SLC71A1: variants seen among roughly 807,000 people sequenced by gnomAD.
SLC71A1 encodes the protein solute carrier family 71 member 1, also known as hippocampus abundant gene transcript 1.
At chr1:100,079,439 T>C in the SLC71A1 span, 1 of 152,160 alleles carries the variant, frequency 6.6e-6, no homozygotes, top group African/African-American at 2.4e-5. Flanking sequence ...GGATATGTTT[T>C]GTCTAGTCAT....
chr1:100,071,230 C>A, the SLC71A1 span, among the ~76,000 whole-genome samples: 4 of 146,134 alleles, frequency 2.7e-5, no homozygotes, highest in Non-Finnish European at 5.9e-5. Flanking sequence ...AGGTCAGGGA[C>A]CGCTTGAGCC....
At chr1:100,047,060 T>C in the SLC71A1 span, among the ~76,000 whole-genome samples, 4 of 152,222 alleles carry the variant, frequency 2.6e-5, no homozygotes, top group Non-Finnish European at 4.4e-5. Flanking sequence ...TTCTTACTCA[T>C]GCTTAATTGC....
the SLC71A1 span, chr1:100,077,352 G>A: frequency 1.3e-6 from 1 of 757,876 alleles, no homozygotes; most frequent in Non-Finnish European, 2.3e-6. Context: ...CTTCTCAACT[G>A]AGGGGTAGAC....
chr1:100,077,042 G>T, the SLC71A1 span: 1 of 598,774 alleles, frequency 1.7e-6, no homozygotes, highest in Non-Finnish European at 3.0e-6. Flanking sequence ...GACATATTCA[G>T]GGCAATTATT....
the SLC71A1 span, chr1:100,059,915 C>T: frequency 6.2e-7 from 1 of 1,612,362 alleles, no homozygotes; most frequent in Non-Finnish European, 8.5e-7. Flanking sequence ...CTTATTGGTG[C>T]TCTTTCTGAT....
chr1:100,062,854 T>TC, the SLC71A1 span, among the ~76,000 whole-genome samples: 1 of 145,082 alleles, frequency 6.9e-6, no homozygotes, highest in African/African-American at 2.6e-5. Context: ...GGCAGGCGGA[T>TC]CACTTGAGAT....
At chr1:100,071,277 C>T in the SLC71A1 span, among the ~76,000 whole-genome samples, 6 of 115,382 alleles carry the variant, frequency 5.2e-5, no homozygotes, top group African/African-American at 2.0e-4. Context: ...CTTGGCAAAA[C>T]CCCATCTCTA....
chr1:100,063,295 CAAAACAAAAA>C, the SLC71A1 span, among the ~76,000 whole-genome samples: 25 of 148,210 alleles, frequency 1.7e-4, 1 homozygote, highest in South Asian at 1.3e-3. Context: ...CAAAACAAAA[CAAAACAAAAA>C]ACACTGAAAT....
chr1:100,062,709 C>T, the SLC71A1 span, among the ~76,000 whole-genome samples: 3 of 152,068 alleles, frequency 2.0e-5, no homozygotes, highest in South Asian at 4.2e-4. Flanking sequence ...ATTTCTGATT[C>T]AAAGGACGTT....
the SLC71A1 span, among the ~76,000 whole-genome samples, chr1:100,081,451 A>C: frequency 2.0e-5 from 3 of 152,182 alleles, no homozygotes; most frequent in African/African-American, 7.2e-5. Flanking sequence ...GGCTCTCTGC[A>C]ACCTCTATCT....
the SLC71A1 span, among the ~76,000 whole-genome samples, chr1:100,073,716 C>G: frequency 1.3e-5 from 2 of 152,258 alleles, no homozygotes; most frequent in East Asian, 3.9e-4. Flanking sequence ...GTCTTCAGGC[C>G]AAGAATAAGA....
At chr1:100,053,763 T>C in the SLC71A1 span, among the ~76,000 whole-genome samples, 2 of 152,156 alleles carry the variant, frequency 1.3e-5, no homozygotes, top group Non-Finnish European at 2.9e-5. Context: ...ACAAAAGCTG[T>C]GTTTTGTGGA....
the SLC71A1 span, among the ~76,000 whole-genome samples, chr1:100,072,170 A>G: frequency 4.6e-5 from 7 of 152,258 alleles, no homozygotes; most frequent in Non-Finnish European, 1.0e-4. Flanking sequence ...ATGCAGAAAT[A>G]TACAATTGAG....
At chr1:100,052,785 G>T in the SLC71A1 span, among the ~76,000 whole-genome samples, 95 of 143,562 alleles carry the variant, frequency 6.6e-4, no homozygotes, top group Non-Finnish European at 1.0e-3. Flanking sequence ...TTTTTATTTT[G>T]TTTGTTTGTG....
the SLC71A1 span, among the ~76,000 whole-genome samples, chr1:100,044,068 C>T: frequency 6.6e-6 from 1 of 152,276 alleles, no homozygotes; most frequent in South Asian, 2.1e-4. Flanking sequence ...GGTGGGTACC[C>T]AGTAGTGGGA....
chr1:100,068,396 ATC>A, the SLC71A1 span: 1 of 1,042,708 alleles, frequency 9.6e-7, no homozygotes, highest in Non-Finnish European at 1.5e-6. Flanking sequence ...GCCAAAAGGA[ATC>A]TCTGCGTATT....
chr1:100,054,025 T>G, the SLC71A1 span, among the ~76,000 whole-genome samples: 23 of 145,294 alleles, frequency 1.6e-4, no homozygotes, highest in Admixed American at 8.3e-4. Flanking sequence ...AATTTACCGG[T>G]TTTTTTTTTT....
chr1:100,048,465 C>T, the SLC71A1 span, among the ~76,000 whole-genome samples: 1 of 152,202 alleles, frequency 6.6e-6, no homozygotes, highest in Non-Finnish European at 1.5e-5. Context: ...CAGGCATGAG[C>T]CACCATGCCT....
chr1:100,070,731 C>A, the SLC71A1 span, among the ~76,000 whole-genome samples: 1 of 152,130 alleles, frequency 6.6e-6, no homozygotes, highest in Non-Finnish European at 1.5e-5. Flanking sequence ...AGCCCCACCC[C>A]CTTTCTTGCT....
Sources: gnomAD v4.1 joint callset for allele counts (sites outside exome capture counted in the v4.1 genomes callset) on GRCh38, gnomAD v4.1.1 for gene constraint, MANE v1.5 for transcripts, NCBI Gene and HGNC (gene_info 2026-07-23, HGNC 2026-07-21) for gene names.